Variants in SOX6 observed in about 807,000 individuals in gnomAD.
The protein encoded by SOX6 is transcription factor SOX-6.
A neutral mutation model predicts 97.8 loss-of-function variants in SOX6; 11 were observed. The observed-to-expected ratio is 0.11, with a 90% CI of 0.07 to 0.19. SOX6 has a LOEUF of 0.19. SOX6 is among the 10% of genes least tolerant of loss of function. SOX6 has a pLI of 1.00. For synonymous variants in SOX6, 360 were observed against 371.4 expected (o/e 0.97, Z 0.35); for missense variants, 810 against 1,039.5 (o/e 0.78, Z 3.04).
chr11:16,183,338 A>G (rs200542713), intron 6 of SOX6, among the ~76,000 whole-genome samples: 2 of 31,754 alleles, frequency 6.3e-5, no homozygotes, highest in African/African-American at 3.3e-4. Flanking sequence ...ATTCAGGAAC[A>G]AGTTTTTCTT....
intron 3 of SOX6, among the ~76,000 whole-genome samples, chr11:16,711,191 T>C (rs563814748): frequency 6.6e-6 from 1 of 152,162 alleles, no homozygotes; most frequent in East Asian, 1.9e-4. Flanking sequence ...GTAATAAGAG[T>C]AAATGTCTTA....
chr11:16,268,824 G>A (rs1159760129), intron 3 of SOX6, among the ~76,000 whole-genome samples: 1 of 150,578 alleles, frequency 6.6e-6, no homozygotes, highest in East Asian at 1.9e-4. Context: ...TATATATTAG[G>A]AATATTAGTC....
At chr11:16,453,104 T>C (rs576396271) in intron 1 of SOX6, among the ~76,000 whole-genome samples, 18 of 152,306 alleles carry the variant, frequency 1.2e-4, no homozygotes, top group Non-Finnish European at 2.1e-4. Context: ...ACTCCTGATA[T>C]CAAGGTGTAT....
chr11:16,245,881 T>C (rs1349694432), intron 3 of SOX6, among the ~76,000 whole-genome samples: 1 of 151,390 alleles, frequency 6.6e-6, no homozygotes, highest in East Asian at 1.9e-4. Context: ...TAATCCAATC[T>C]GATAATCTCT....
At chr11:16,283,089 G>GTATATATATATA (rs10581083) in intron 3 of SOX6, among the ~76,000 whole-genome samples, 3,837 of 113,522 alleles carry the variant, frequency 0.034, 166 homozygotes, top group African/African-American at 0.06. Context: ...TATATAATTT[G>GTATATATATATA]TATATATATA....
At chr11:16,587,845 T>A (rs1848112367) in intron 4 of SOX6, among the ~76,000 whole-genome samples, 1 of 152,194 alleles carries the variant, frequency 6.6e-6, no homozygotes, top group African/African-American at 2.4e-5. Context: ...AACCTGGCAC[T>A]GGCCACTGCT....
chr11:16,473,201 A>G (rs1860173255), intron 1 of SOX6, among the ~76,000 whole-genome samples: 1 of 152,200 alleles, frequency 6.6e-6, no homozygotes, highest in Non-Finnish European at 1.5e-5. Flanking sequence ...AGAGTATAGT[A>G]TGCCTTAGTA....
intron 3 of SOX6, among the ~76,000 whole-genome samples, chr11:16,661,503 T>C (rs1482077045): frequency 1.3e-5 from 2 of 152,164 alleles, no homozygotes; most frequent in Non-Finnish European, 2.9e-5. Context: ...ACCTGTTTTT[T>C]CTTTTAAAAA....
At chr11:16,104,293 G>T (rs1413653190) in intron 7 of SOX6, among the ~76,000 whole-genome samples, 1 of 151,970 alleles carries the variant, frequency 6.6e-6, no homozygotes, top group Admixed American at 6.6e-5. Context: ...AGACAGAAAT[G>T]AGTGGCTTTA....
intron 9 of SOX6, among the ~76,000 whole-genome samples, chr11:16,088,504 C>T (rs1848620860): frequency 6.6e-6 from 1 of 152,202 alleles, no homozygotes; most frequent in Non-Finnish European, 1.5e-5. Flanking sequence ...GATATTTTTA[C>T]TGTCTCCATA....
intron 6 of SOX6, among the ~76,000 whole-genome samples, chr11:16,132,429 G>GAAA (rs1489004011): frequency 2.6e-4 from 23 of 89,386 alleles, no homozygotes; most frequent in East Asian, 5.6e-4. Flanking sequence ...AAGAAAGAAA[G>GAAA]AAAGAAAGAA....
At chr11:16,259,973 GTA>G (rs1554950237) in intron 3 of SOX6, among the ~76,000 whole-genome samples, 24 of 145,276 alleles carry the variant, frequency 1.7e-4, no homozygotes, top group Admixed American at 5.0e-4. Flanking sequence ...GTGTGTGTGT[GTA>G]TATATACACA....
At chr11:16,333,418 T>C (rs910845266) in intron 2 of SOX6, among the ~76,000 whole-genome samples, 3 of 152,168 alleles carry the variant, frequency 2.0e-5, no homozygotes, top group Non-Finnish European at 4.4e-5. Flanking sequence ...TATAGTGATG[T>C]ACCCAGAGGC....
chr11:16,023,241 A>G (rs1016001841), intron 12 of SOX6: 4 of 152,016 alleles, frequency 2.6e-5, no homozygotes, highest in African/African-American at 7.2e-5. Flanking sequence ...AATATATATT[A>G]CAATTATTGG....
At chr11:16,411,218 T>C (rs1858811413) in intron 1 of SOX6, among the ~76,000 whole-genome samples, 1 of 152,218 alleles carries the variant, frequency 6.6e-6, no homozygotes, top group African/African-American at 2.4e-5. Flanking sequence ...TAAGTGTGCA[T>C]GCTATTCCAA....
At chr11:16,634,289 T>C (rs1848752566) in intron 3 of SOX6, among the ~76,000 whole-genome samples, 1 of 151,570 alleles carries the variant, frequency 6.6e-6, no homozygotes, top group Non-Finnish European at 1.5e-5. Context: ...GTCTGTGAAT[T>C]TGTAGATCAA....
chr11:16,387,742 T>G (rs1347119670), intron 1 of SOX6, among the ~76,000 whole-genome samples: 2 of 152,116 alleles, frequency 1.3e-5, no homozygotes, highest in Non-Finnish European at 2.9e-5. Flanking sequence ...TATATAAACT[T>G]ATTTTTACTA....
intron 4 of SOX6, among the ~76,000 whole-genome samples, chr11:16,523,840 G>A (rs556824584): frequency 6.6e-6 from 1 of 152,258 alleles, no homozygotes; most frequent in South Asian, 2.1e-4. Flanking sequence ...TACCATCAGA[G>A]AATACTACAA....
chr11:16,237,664 T>C (rs146203907), intron 3 of SOX6, among the ~76,000 whole-genome samples: 45 of 152,080 alleles, frequency 3.0e-4, no homozygotes, highest in Non-Finnish European at 5.3e-4. Context: ...ACAGTAATCA[T>C]GTAAGATTCC....
Sources: allele counts gnomAD v4.1 joint callset (sites outside exome capture counted in the v4.1 genomes callset), GRCh38; gene constraint gnomAD v4.1.1; transcripts MANE v1.5; gene names NCBI Gene and HGNC (gene_info 2026-07-23, HGNC 2026-07-21).